CEP85: variants seen among roughly 807,000 people sequenced by gnomAD.
CEP85 encodes the protein centrosomal protein of 85 kDa.
In CEP85, 58 loss-of-function variants were observed where a neutral mutation model predicts 93.7. That is an observed-to-expected ratio of 0.62 (90% confidence interval 0.50 to 0.77). CEP85 has a LOEUF of 0.77. CEP85 is among the 30% of genes least tolerant of loss of function. The probability of loss-of-function intolerance (pLI) is 0.00; values close to 1 mark genes in which losing one functional copy is unlikely to be tolerated. For synonymous variants in CEP85, 314 were observed against 338.6 expected (o/e 0.93, Z 0.80); for missense variants, 868 against 922.0 (o/e 0.94, Z 0.76).
intron 1 of CEP85, among the ~76,000 whole-genome samples, chr1:26,238,325 C>G (rs996765193): frequency 4.6e-5 from 7 of 150,858 alleles, no homozygotes; most frequent in African/African-American, 1.5e-4. Context: ...CTCAGCCTCC[C>G]AAGTAGCTGG....
At position 26,277,332 on chromosome 1, in the gene CEP85, C is replaced by A; in HGVS notation, c.*39C>A. ...ATTCCCCCAGGGAGGAGCTGGGCTGCTGAGAGCCTAGTCCAGCAGGTTTCT... is the reference window on the plus strand; with the variant it reads ...ATTCCCCCAGGGAGGAGCTGGGCTGATGAGAGCCTAGTCCAGCAGGTTTCT... On this transcript the variant is annotated 3_prime_UTR_variant, in exon 14 of 14. Transcript: ENST00000451429. The A allele has an allele frequency of 6.3e-7, 1 of 1,581,206 alleles. No individual in the cohort carries two copies. Among genetic ancestry groups the A allele is most frequent in the South Asian group, 1.1e-5 (1 of 90,058 alleles).
intron 12 of CEP85, among the ~76,000 whole-genome samples, 183 bp downstream of exon 12, chr1:26,275,254 T>C (rs1333541911): frequency 6.6e-6 from 1 of 151,844 alleles, no homozygotes; most frequent in East Asian, 1.9e-4. Flanking sequence ...AAGCCTGTTT[T>C]AGCATGTCCA....
At position 26,255,859 on chromosome 1, in the gene CEP85, A is replaced by G; in HGVS notation, c.897A>G (p.Gln299=). 6.2e-7 allele frequency: 1 copy of G among 1,605,400 alleles called. No homozygotes were observed. The change falls in exon 4 of 14, where the codon CAA becomes CAG. Residue 299 remains glutamine, a synonymous_variant. Transcript: ENST00000451429. The stretch of plus-strand genomic sequence containing the variant: ...AATTGATTCGTTTACAGATGGAGCA[A>G]ATGCAGGTAGAGGTCTATCTTTCCT... The part of the protein sequence containing the change: ...QLELIRLQME[Q]MQLQNGAICH...
chr1:26,238,918 A>C (rs1209880478), intron 1 of CEP85, among the ~76,000 whole-genome samples: 1 of 152,208 alleles, frequency 6.6e-6, no homozygotes, highest in African/African-American at 2.4e-5. Flanking sequence ...TCAGGATTGG[A>C]GTTCTACTTA....
In CEP85 at chr1:26,255,863, C is replaced by G; in HGVS notation, c.901C>G (p.Gln301Glu). Residue 301 changes from glutamine to glutamate, a missense_variant and splice_region_variant, in exon 4 of 14, where the codon CAG (glutamine) becomes GAG (glutamate). By Grantham distance (29) the Gln-to-Glu change is conservative. Coordinates refer to ENST00000451429, the MANE Select transcript of CEP85 (RefSeq NM_001319944.2). ...ELIRLQMEQM[Q>E]LQNGAICHHP... is the part of the protein sequence containing the mutation. ...GATTCGTTTACAGATGGAGCAAATG[C>G]AGGTAGAGGTCTATCTTTCCTTGGA... is the stretch of plus-strand genomic sequence containing the variant. 3 of 1,599,108 alleles carry G rather than the reference C, an allele frequency of 1.9e-6. No homozygotes were observed. Among genetic ancestry groups the G allele is most frequent in the Non-Finnish European group, 2.6e-6 (3 of 1,170,316 alleles).
intron 1 of CEP85, among the ~76,000 whole-genome samples, chr1:26,238,896 C>T (rs1353991411): frequency 6.6e-6 from 1 of 152,186 alleles, no homozygotes; most frequent in East Asian, 1.9e-4. Flanking sequence ...ACGAGAACTT[C>T]ACGTTCCTAG....
intron 5 of CEP85, 71 bp from the exon 6 acceptor site, chr1:26,258,072 G>A (rs907935502): frequency 1.6e-5 from 16 of 1,005,124 alleles, no homozygotes; most frequent in Non-Finnish European, 2.5e-5. Flanking sequence ...AATAGGGATT[G>A]TACTTAGTAG....
At chr1:26,268,833 GT>G (rs950618919) in intron 8 of CEP85, among the ~76,000 whole-genome samples, 198 bp downstream of exon 8, 7 of 152,192 alleles carry the variant, frequency 4.6e-5, no homozygotes, top group African/African-American at 1.7e-4. Flanking sequence ...TCTTCCTTAT[GT>G]TAAAGTGAAC....
chr1:26,258,361 T>TA, intron 6 of CEP85, 101 bp downstream of exon 6: 1 of 756,652 alleles, frequency 1.3e-6, no homozygotes, highest in South Asian at 1.6e-5. Flanking sequence ...AGAGCTCAAG[T>TA]GATGTAAGTG....
At chr1:26,261,332 C>T (rs1287118057) in intron 7 of CEP85, among the ~76,000 whole-genome samples, 1 of 151,538 alleles carries the variant, frequency 6.6e-6, no homozygotes, top group Non-Finnish European at 1.5e-5. Flanking sequence ...ATTAGCTGGG[C>T]GTGGTGGCAC....
At position 26,241,352 on chromosome 1, in the gene CEP85, C is replaced by T. The variant is rs536751365; in HGVS notation, c.55+1514C>T. 4.0e-5 allele frequency among the ~76,000 whole-genome samples: 6 copies of T among 149,484 alleles called. No homozygotes were observed. The South Asian group carries it at 1.3e-3, about 31-fold the overall frequency. ...CCGCTTCCCGGGTTCATGCCATTCT[C>T]CTGCCTCAGCCTCCCAAGTAGCTGG... is the stretch of plus-strand genomic sequence containing the variant. On this transcript the variant is annotated intron_variant, in intron 2 of 13. Transcript: ENST00000451429.
intron 3 of CEP85, among the ~76,000 whole-genome samples, chr1:26,251,649 A>G (rs1569989275): frequency 6.6e-6 from 1 of 152,286 alleles, no homozygotes; most frequent in East Asian, 1.9e-4. Context: ...CACCTCTTAG[A>G]GGCCCCCACC....
chr1:26,239,913 GA>G lies in CEP85; in HGVS notation c.55+77del, dbSNP rs1557646520. On this transcript the variant is annotated intron_variant, in intron 2 of 13. Transcript: ENST00000451429. Reference sequence around the variant, plus strand: ...TTTCATATTCCTTAAGGTAAATATTGAACAAACAAGCATTCACTGAAATGCT... The same window carrying G: ...TTTCATATTCCTTAAGGTAAATATTGACAAACAAGCATTCACTGAAATGCT... 7 of 1,095,744 alleles carry G rather than the reference GA, an allele frequency of 6.4e-6. No individual in the cohort carries two copies. In the Admixed American group the frequency reaches 8.9e-5, roughly 14 times the overall value. 67.9% of individuals were successfully genotyped at this position (1,095,744 alleles called of 1,614,324 possible).
chr1:26,248,616 C>T (rs970129168), intron 3 of CEP85, among the ~76,000 whole-genome samples: 4 of 151,790 alleles, frequency 2.6e-5, no homozygotes, highest in Non-Finnish European at 5.9e-5. Context: ...CTCTTTCAGC[C>T]TCCCGAGTAA....
intron 7 of CEP85, among the ~76,000 whole-genome samples, chr1:26,262,706 A>G (rs1024740979): frequency 3.9e-5 from 6 of 152,222 alleles, no homozygotes; most frequent in Non-Finnish European, 8.8e-5. Context: ...CGGCACCTGC[A>G]ACACACTCTT....
chr1:26,247,715 C>T (rs547735490), intron 3 of CEP85, among the ~76,000 whole-genome samples: 126 of 152,296 alleles, frequency 8.3e-4, no homozygotes, highest in Non-Finnish European at 1.5e-3. Context: ...ATCACAAGCT[C>T]ATTGCAGCCT....
In CEP85 at chr1:26,277,284, C is replaced by T. The variant is rs759549659; in HGVS notation, c.2277C>T (p.Val759=). 12 of 1,611,002 alleles carry T rather than the reference C, an allele frequency of 7.4e-6. No homozygotes were observed. In the Admixed American group the frequency reaches 2.0e-4, roughly 27 times the overall value. The part of the protein sequence containing the change: ...RYAQDMGENC[V]TQ ...CCCAGGACATGGGAGAAAACTGTGT[C>T]ACACAGTGAGGAATTCTGGGGGATT... Residue 759 remains valine (V), a synonymous_variant, in exon 14 of 14, where the codon GTC becomes GTT. Transcript: ENST00000451429.
intron 7 of CEP85, among the ~76,000 whole-genome samples, chr1:26,267,425 A>G (rs965172864): frequency 1.3e-5 from 2 of 152,074 alleles, no homozygotes; most frequent in African/African-American, 2.4e-5. Context: ...TTAGCTGGGC[A>G]TGGTGGCGGG....
At chr1:26,252,609 G>A (rs1240336137) in intron 3 of CEP85, among the ~76,000 whole-genome samples, 2 of 152,180 alleles carry the variant, frequency 1.3e-5, no homozygotes, top group African/African-American at 4.8e-5. Context: ...TTAACCTTGT[G>A]TACTAGTCCT....
Sources: gnomAD v4.1 joint callset for allele counts (sites outside exome capture counted in the v4.1 genomes callset) on GRCh38, gnomAD v4.1.1 for gene constraint, MANE v1.5 for transcripts, NCBI Gene and HGNC (gene_info 2026-07-23, HGNC 2026-07-21) for gene names.